Variants in LCA5L observed in about 807,000 individuals in gnomAD.
LCA5L encodes lebercilin LCA5 like, also known as lebercilin-like protein.
A neutral mutation model predicts 45.4 loss-of-function variants in LCA5L; 35 were observed. The observed-to-expected ratio is 0.77, with a 90% CI of 0.59 to 1.02. The LOEUF is 1.02. Ranked by LOEUF, LCA5L falls within the 50% of genes least tolerant of loss-of-function variation. The pLI is 0.00. For missense variants in LCA5L, 668 were observed against 761.6 expected, an observed-to-expected ratio of 0.88 and a Z score of 1.45; for synonymous variants, 233 against 264.7, an observed-to-expected ratio of 0.88 and a Z score of 1.16.
intron 1 of LCA5L, among the ~76,000 whole-genome samples, chr21:39,444,445 T>C (rs1047057074): frequency 1.3e-5 from 2 of 152,192 alleles, no homozygotes; most frequent in Non-Finnish European, 2.9e-5. Context: ...ATTTGCAAAA[T>C]ACATACTGAA....
intron 3 of LCA5L, among the ~76,000 whole-genome samples, chr21:39,431,236 C>T (rs2148027198): frequency 6.6e-6 from 1 of 152,256 alleles, no homozygotes; most frequent in South Asian, 2.1e-4. Context: ...GCTGAGTTGT[C>T]CCATTACCTA....
intron 8 of LCA5L, chr21:39,410,731 T>C: frequency 2.4e-6 from 1 of 425,310 alleles, no homozygotes; most frequent in Non-Finnish European, 4.7e-6. Flanking sequence ...GTGGTTAGAC[T>C]GTCCATGCTG....
At chr21:39,412,154 G>A (rs1287395793) in intron 7 of LCA5L, among the ~76,000 whole-genome samples, 2 of 152,206 alleles carry the variant, frequency 1.3e-5, no homozygotes, top group Non-Finnish European at 2.9e-5. Context: ...TTAAATGAAA[G>A]TAAAACTAAA....
rs186549381 is a variant in LCA5L at position 39,418,289 on chromosome 21, A to G, written c.975+2417T>C. 7.1e-3 allele frequency among the ~76,000 whole-genome samples: 1,081 copies of G among 152,252 alleles called. 13 individuals carry two copies. The highest frequency in any genetic ancestry group is 0.025 in the African/African-American group (1,042 of 41,548). On this transcript the variant is annotated intron_variant, in intron 7 of 10. Transcript: ENST00000288350. The stretch of plus-strand genomic sequence containing the variant: ...TTCGTTTGCCTTCCTTTCTTCACTT[A>G]CCAGTGTATCCTAGAGATTATTCCA...
chr21:39,406,326 A>G lies in LCA5L; in HGVS notation c.1569T>C (p.His523=), dbSNP rs757303617. The change falls in exon 11 of 11, where the codon CAT becomes CAC. Residue 523 remains histidine, a synonymous_variant. Coordinates refer to ENST00000288350, the MANE Select transcript of LCA5L (RefSeq NM_152505.4). The part of the protein sequence containing the change: ...YTKGPLRQRR[H]YSFTEATENL... ...TTTCAGTTGCTTCTGTGAATGAGTAATGTCTTCTTTGTCTGAGGGGGCCTT... is the reference window on the plus strand; with the variant it reads ...TTTCAGTTGCTTCTGTGAATGAGTAGTGTCTTCTTTGTCTGAGGGGGCCTT... 2 of 1,614,144 alleles carry G rather than the reference A, an allele frequency of 1.2e-6. No homozygotes were observed. Among genetic ancestry groups the G allele is most frequent in the Admixed American group, 1.7e-5 (1 of 60,012 alleles).
chr21:39,414,306 C>T (rs2040642792), intron 7 of LCA5L: 2 of 152,142 alleles, frequency 1.3e-5, no homozygotes, highest in Admixed American at 1.3e-4. Flanking sequence ...TGACCGTAGC[C>T]TGGGTGTAAG....
chr21:39,406,079 C>T lies in LCA5L; in HGVS notation c.1816G>A (p.Gly606Ser). The T allele has an allele frequency of 6.2e-7, 1 of 1,614,202 alleles. No individual in the cohort carries two copies. The change falls in exon 11 of 11, where the codon GGC (glycine) becomes AGC (serine). Residue 606 changes from glycine (G) to serine (S), a missense_variant. Coordinates refer to ENST00000288350, the MANE Select transcript of LCA5L (RefSeq NM_152505.4). ...SSLMEELFGS[G>S]YVLKTDQSSP... is the part of the protein sequence containing the mutation. Reference sequence around the variant, plus strand: ...GATTGGTCAGTTTTCAAGACATAGCCTGATCCAAAGAGTTCTTCCATGAGA... The same window carrying T: ...GATTGGTCAGTTTTCAAGACATAGCTTGATCCAAAGAGTTCTTCCATGAGA...
At chr21:39,426,203 G>A (rs2074675772) in intron 5 of LCA5L, among the ~76,000 whole-genome samples, 1 of 152,026 alleles carries the variant, frequency 6.6e-6, no homozygotes, top group Non-Finnish European at 1.5e-5. Flanking sequence ...AGGTTTGTTG[G>A]CTTCAGAAAG....
At chr21:39,431,467 C>T (rs982471411) in intron 3 of LCA5L, among the ~76,000 whole-genome samples, 11 of 151,634 alleles carry the variant, frequency 7.3e-5, no homozygotes, top group African/African-American at 2.7e-4. Context: ...ACCATAAAGA[C>T]AATTTTTTTT....
At chr21:39,441,503 T>C (rs749924684) in intron 2 of LCA5L, among the ~76,000 whole-genome samples, 1 of 152,208 alleles carries the variant, frequency 6.6e-6, no homozygotes, top group Non-Finnish European at 1.5e-5. Context: ...TACCTATATA[T>C]ATAAGCAATT....
chr21:39,422,876 A>G, intron 6 of LCA5L, 100 bp downstream of exon 6: 4 of 1,058,028 alleles, frequency 3.8e-6, no homozygotes, highest in Middle Eastern at 2.9e-4. Context: ...TGAAGCAGTT[A>G]GTAATGCTTT....
intron 8 of LCA5L, among the ~76,000 whole-genome samples, 175 bp downstream of exon 8, chr21:39,411,543 A>G (rs2040088385): frequency 1.3e-5 from 2 of 152,198 alleles, no homozygotes; most frequent in Admixed American, 6.5e-5. Context: ...AAGCATTTCT[A>G]TTCCTTGCTA....
intron 10 of LCA5L, among the ~76,000 whole-genome samples, chr21:39,408,301 C>T (rs1161721587): frequency 2.0e-5 from 3 of 152,158 alleles, no homozygotes; most frequent in Non-Finnish European, 4.4e-5. Flanking sequence ...TACAAATTTA[C>T]CTTACCTGCA....
chr21:39,405,898 C>A lies in LCA5L; in HGVS notation c.1997G>T (p.Arg666Ile). The stretch of plus-strand genomic sequence containing the variant: ...TGATTATATTTAAATAATTATTTTT[C>A]TTTTTCCTTCTGTAGGTGACGATGG... ...IKPSSPTEGK[R>I]KIII Residue 666 changes from arginine to isoleucine, a missense_variant, in exon 11 of 11, where the codon AGA (arginine) becomes ATA (isoleucine). By Grantham distance (97) the Arg-to-Ile change is moderately conservative (BLOSUM62 -3). Coordinates refer to ENST00000288350, the MANE Select transcript of LCA5L (RefSeq NM_152505.4). 1 of 1,580,028 alleles carries A rather than the reference C, an allele frequency of 6.3e-7. No individual in the cohort carries two copies. The highest frequency in any genetic ancestry group is 8.6e-7 in the Non-Finnish European group (1 of 1,157,902).
Position 39,428,508 on chromosome 21 carries a change from TAAAAG to T in LCA5L, c.-10-10_-10-6del, listed in dbSNP as rs556724990. ...GCCAAAGACATAGCAAACAACCTAA[TAAAAG>T]AAAAGTAAAACCTAATAAAAGTATT... On this transcript the variant is annotated splice_polypyrimidine_tract_variant and splice_region_variant and intron_variant, in intron 4 of 10. Coordinates refer to ENST00000288350, the MANE Select transcript of LCA5L (RefSeq NM_152505.4). 247 of 1,465,104 alleles carry T rather than the reference TAAAAG, an allele frequency of 1.7e-4. 1 individual carries two copies. The highest frequency in any genetic ancestry group is 5.8e-4 in the East Asian group (24 of 41,300). The allele number at this position is 1,465,104 out of a possible 1,614,324, so 90.8% of individuals were successfully genotyped here.
chr21:39,412,772 G>A (rs1419008791), intron 7 of LCA5L, among the ~76,000 whole-genome samples: 1 of 152,192 alleles, frequency 6.6e-6, no homozygotes, highest in East Asian at 1.9e-4. Flanking sequence ...AAAATTGCAA[G>A]CCCCTTAAAA....
At chr21:39,432,616 C>T (rs1055089007) in intron 3 of LCA5L, among the ~76,000 whole-genome samples, 1 of 152,166 alleles carries the variant, frequency 6.6e-6, no homozygotes, top group Non-Finnish European at 1.5e-5. Flanking sequence ...GTGAACACAA[C>T]CACATAATCT....
chr21:39,431,027 GA>G (rs935454316), intron 3 of LCA5L, among the ~76,000 whole-genome samples: 3 of 151,626 alleles, frequency 2.0e-5, no homozygotes, highest in Admixed American at 6.6e-5. Context: ...AGCCAAAAAA[GA>G]AAAAAAATTC....
At chr21:39,407,464 A>G (rs2039273733) in intron 10 of LCA5L, among the ~76,000 whole-genome samples, 1 of 152,204 alleles carries the variant, frequency 6.6e-6, no homozygotes, top group African/African-American at 2.4e-5. Context: ...TCTTCTTAGA[A>G]CGAACCTACA....
Sources: allele counts gnomAD v4.1 joint callset (sites outside exome capture counted in the v4.1 genomes callset), GRCh38; gene constraint gnomAD v4.1.1; transcripts MANE v1.5; gene names NCBI Gene and HGNC (gene_info 2026-07-23, HGNC 2026-07-21).